Variants in SPAG16 observed in about 807,000 individuals in gnomAD.
The protein encoded by SPAG16 is sperm associated antigen 16, also known as sperm-associated antigen 16 protein.
SPAG16 carries 86 observed loss-of-function variants against 80.4 expected under a neutral mutation model. That is an observed-to-expected ratio of 1.07 (90% CI 0.90 to 1.28). SPAG16 has a LOEUF of 1.28. Among genes scored for constraint, SPAG16 ranks in the 50% most tolerant of loss-of-function variants. The pLI is 0.00. For synonymous variants in SPAG16, 294 were observed against 265.9 expected (o/e 1.11, Z -1.03); for missense variants, 870 against 765.3 (o/e 1.14, Z -1.61).
intron 13 of SPAG16, among the ~76,000 whole-genome samples, chr2:214,018,151 A>T (rs2047681681): frequency 1.3e-5 from 2 of 152,146 alleles, no homozygotes; most frequent in Non-Finnish European, 2.9e-5. Flanking sequence ...TTGATATAAA[A>T]TTCTACAAGT....
At chr2:213,941,210 A>G (rs999251921) in intron 12 of SPAG16, among the ~76,000 whole-genome samples, 3 of 152,102 alleles carry the variant, frequency 2.0e-5, no homozygotes, top group Non-Finnish European at 4.4e-5. Context: ...CATCAACAAA[A>G]TATTCTATGT....
chr2:213,806,877 A>G (rs1421769229), intron 10 of SPAG16, among the ~76,000 whole-genome samples: 4 of 152,204 alleles, frequency 2.6e-5, no homozygotes, highest in Non-Finnish European at 5.9e-5. Flanking sequence ...TAAAACATCA[A>G]TCCAAAGGGA....
intron 1 of SPAG16, among the ~76,000 whole-genome samples, chr2:213,295,480 T>A (rs1021922065): frequency 6.6e-6 from 1 of 152,128 alleles, no homozygotes; most frequent in African/African-American, 2.4e-5. Flanking sequence ...TTAAGTTATC[T>A]TTCCTATAAA....
At chr2:213,373,519 C>G (rs994219236) in intron 8 of SPAG16, among the ~76,000 whole-genome samples, 1 of 152,074 alleles carries the variant, frequency 6.6e-6, no homozygotes. Flanking sequence ...ATAAACCATG[C>G]CCTTTTGGAT....
At chr2:213,450,900 T>C (rs1030987941) in intron 9 of SPAG16, among the ~76,000 whole-genome samples, 5 of 152,208 alleles carry the variant, frequency 3.3e-5, no homozygotes, top group African/African-American at 4.8e-5. Context: ...GACTATGCTT[T>C]GTGAAAGAGT....
chr2:213,407,613 GAGAGAGAGAGAGAGAGAGAGAGAGAGAC>G (rs2068692844), intron 9 of SPAG16, among the ~76,000 whole-genome samples: 1 of 123,354 alleles, frequency 8.1e-6, no homozygotes, highest in African/African-American at 2.9e-5. Context: ...GAGAGAGAGA[GAGAGAGAGAGAGAGAGAGAGAGAGAGAC>G]AGACAGACAG....
chr2:213,871,868 A>ACG (rs2075962052), intron 11 of SPAG16, among the ~76,000 whole-genome samples: 1 of 47,562 alleles, frequency 2.1e-5, no homozygotes, highest in Non-Finnish European at 6.8e-5. Flanking sequence ...ACACACACAC[A>ACG]CACACACACA....
intron 15 of SPAG16, among the ~76,000 whole-genome samples, chr2:214,313,558 A>G (rs1192980625): frequency 6.6e-6 from 1 of 152,160 alleles, no homozygotes; most frequent in African/African-American, 2.4e-5. Flanking sequence ...CCTGGCACAT[A>G]GTAAGAATTG....
intron 13 of SPAG16, among the ~76,000 whole-genome samples, chr2:214,084,931 G>A (rs759334123): frequency 1.3e-5 from 2 of 152,176 alleles, no homozygotes; most frequent in Admixed American, 1.3e-4. Context: ...AGTAAACAAA[G>A]TATGTGGTAA....
At chr2:213,935,803 G>A (rs906096153) in intron 12 of SPAG16, among the ~76,000 whole-genome samples, 2 of 152,126 alleles carry the variant, frequency 1.3e-5, no homozygotes, top group Non-Finnish European at 2.9e-5. Flanking sequence ...TTATTTATTT[G>A]CTTATAGATC....
intron 10 of SPAG16, among the ~76,000 whole-genome samples, chr2:213,698,098 G>A (rs1336952201): frequency 6.6e-6 from 1 of 151,920 alleles, no homozygotes; most frequent in Non-Finnish European, 1.5e-5. Context: ...TTAATCAGTT[G>A]ATTTCCCCAT....
At chr2:214,086,855 T>G (rs1184970590) in intron 13 of SPAG16, among the ~76,000 whole-genome samples, 1 of 152,160 alleles carries the variant, frequency 6.6e-6, no homozygotes, top group Non-Finnish European at 1.5e-5. Flanking sequence ...TTGTACTGTA[T>G]GAGAAAAAAT....
chr2:214,067,832 C>T (rs925174535), intron 13 of SPAG16, among the ~76,000 whole-genome samples: 1 of 151,984 alleles, frequency 6.6e-6, no homozygotes, highest in African/African-American at 2.4e-5. Flanking sequence ...ACTTTCTCAC[C>T]GTATTTCCAC....
At chr2:213,737,493 CTTTTT>C (rs3076768) in intron 10 of SPAG16, among the ~76,000 whole-genome samples, 39 of 142,248 alleles carry the variant, frequency 2.7e-4, no homozygotes, top group Admixed American at 2.1e-3. Context: ...TTTTTCTTTT[CTTTTT>C]TTTTTTTGAG....
intron 9 of SPAG16, among the ~76,000 whole-genome samples, chr2:213,391,341 TG>T (rs1481193312): frequency 6.6e-6 from 1 of 152,208 alleles, no homozygotes; most frequent in Admixed American, 6.5e-5. Flanking sequence ...AACTTATCCT[TG>T]TGTAAATTAA....
chr2:214,010,741 CAT>C (rs1294414170), intron 12 of SPAG16, among the ~76,000 whole-genome samples: 2 of 146,246 alleles, frequency 1.4e-5, no homozygotes, highest in East Asian at 2.0e-4. Context: ...TTAATTTAAA[CAT>C]ATATTAAACA....
intron 11 of SPAG16, among the ~76,000 whole-genome samples, chr2:213,872,396 A>C (rs538089076): frequency 2.8e-4 from 42 of 152,114 alleles, no homozygotes; most frequent in Non-Finnish European, 4.7e-4. Flanking sequence ...CAAATACACT[A>C]TTCTTCCACA....
chr2:214,041,976 G>GTATATATA (rs1412300296), intron 13 of SPAG16, among the ~76,000 whole-genome samples: 17 of 88,262 alleles, frequency 1.9e-4, no homozygotes, highest in African/African-American at 9.3e-4. Flanking sequence ...GTGTCTGTGT[G>GTATATATA]TGTATATATA....
rs2662639 is a variant in SPAG16, at chr2:213,778,485, G to A, written c.1071-84000G>A. Among the ~76,000 whole-genome samples the A allele has an allele frequency of 9.0e-4, 136 of 151,820 alleles. 1 individual carries two copies. Among genetic ancestry groups the A allele is most frequent in the African/African-American group, 3.1e-3 (127 of 41,370 alleles). On this transcript the variant is annotated intron_variant, in intron 10 of 15. Transcript: ENST00000331683. ...GGCAGTATGTAGTATGCTTTATTAC[G>A]GACCATATCAACCCTAGTGCTTTCA...
Sources: gnomAD v4.1 joint callset for allele counts (sites outside exome capture counted in the v4.1 genomes callset) on GRCh38, gnomAD v4.1.1 for gene constraint, MANE v1.5 for transcripts, NCBI Gene and HGNC (gene_info 2026-07-23, HGNC 2026-07-21) for gene names.